EFCAB8: variants seen among roughly 807,000 people sequenced by gnomAD.
EFCAB8 encodes the protein EF-hand calcium binding domain 8.
A neutral mutation model predicts 116.3 loss-of-function variants in EFCAB8; 100 were observed. The observed-to-expected ratio is 0.86, with a 90% CI of 0.73 to 1.02. EFCAB8 has a LOEUF of 1.02. Ranked by LOEUF, EFCAB8 falls within the 50% of genes least tolerant of loss-of-function variation. The pLI is 0.00. For missense variants in EFCAB8, 1,320 were observed against 1,416.9 expected, an observed-to-expected ratio of 0.93 and a Z score of 1.10; for synonymous variants, 558 against 567.9, an observed-to-expected ratio of 0.98 and a Z score of 0.25.
rs1252481525 is a variant in EFCAB8, at chr20:32,878,721, C to T, written c.345C>T (p.Tyr115=). The T allele has an allele frequency of 1.1e-5, 17 of 1,551,812 alleles. No individual in the cohort carries two copies. The East Asian group carries it at 4.2e-4, about 38-fold the overall frequency. The change falls in exon 5 of 27, where the codon TAC becomes TAT. Residue 115 remains tyrosine (Y), a synonymous_variant. Transcript: ENST00000400522. ...GFVTWQKYVD[Y]MMREFQGKED... ...CGAGGCAGCAAAAGTATGTGGATTA[C>T]ATGATGCGTGAGTTCCAGGGAAAAG...
At chr20:32,939,125 C>CTCTTTCTTTCTTTCTTTCTTTCTT (rs56136077) in intron 22 of EFCAB8, among the ~76,000 whole-genome samples, 23 of 56,556 alleles carry the variant, frequency 4.1e-4, no homozygotes, top group East Asian at 3.4e-3. Context: ...CTCTTTCTTT[C>CTCTTTCTTTCTTTCTTTCTTTCTT]TCTTTCTTTC....
At chr20:32,930,058 G>C (rs1034534540) in intron 20 of EFCAB8, among the ~76,000 whole-genome samples, 2 of 152,324 alleles carry the variant, frequency 1.3e-5, no homozygotes, top group South Asian at 4.1e-4. Flanking sequence ...TGAGTTACAG[G>C]TTGTGAAAAT....
intron 5 of EFCAB8, among the ~76,000 whole-genome samples, chr20:32,882,507 T>G (rs927994012): frequency 6.6e-6 from 1 of 152,150 alleles, no homozygotes; most frequent in South Asian, 2.1e-4. Flanking sequence ...CATTTCCATT[T>G]TATTGTATTT....
At chr20:32,891,250 G>A (rs1334364728) in intron 7 of EFCAB8, among the ~76,000 whole-genome samples, 1 of 152,048 alleles carries the variant, frequency 6.6e-6, no homozygotes, top group Non-Finnish European at 1.5e-5. Context: ...GCTGAACTAG[G>A]GATTCATTTA....
chr20:32,884,785 C>G lies in EFCAB8; in HGVS notation c.432-720C>G, dbSNP rs183009562. 2.0e-5 allele frequency among the ~76,000 whole-genome samples: 3 copies of G among 152,252 alleles called. No individual in the cohort carries two copies. In the East Asian group the frequency reaches 5.8e-4, roughly 29 times the overall value. On this transcript the variant is annotated intron_variant, in intron 5 of 26. Transcript: ENST00000400522. ...GCTCTGCCAGGGCTCAAAGATTGGG[C>G]AGATCAAGTAGGAGAGTGTGTGCCA...
At chr20:32,897,506 G>A (rs1986218944) in intron 10 of EFCAB8, among the ~76,000 whole-genome samples, 1 of 150,928 alleles carries the variant, frequency 6.6e-6, no homozygotes, top group Non-Finnish European at 1.5e-5. Flanking sequence ...GCAGTGGTGC[G>A]ATCATGGCTC....
At chr20:32,900,306 C>T (rs1375109291) in intron 11 of EFCAB8, among the ~76,000 whole-genome samples, 4 of 152,142 alleles carry the variant, frequency 2.6e-5, no homozygotes. Flanking sequence ...TGTCTTAGAG[C>T]AGACACTTGA....
chr20:32,961,477 C>T lies in EFCAB8; in HGVS notation c.3735C>T (p.Ser1245=). The T allele has an allele frequency of 6.9e-7, 1 of 1,449,586 alleles. No homozygotes were observed. Among genetic ancestry groups the T allele is most frequent in the East Asian group, 2.5e-5 (1 of 39,824 alleles). 89.8% of individuals were successfully genotyped at this position (1,449,586 alleles called of 1,614,324 possible). ...STAHSTPSVP[S]PVSKSTLQGS... is the part of the protein sequence containing the mutation. ...CCCATTCCACCCCCTCGGTCCCATC[C>T]CCGGTGTCCAAGTCCACCCTGCAGG... is the stretch of plus-strand genomic sequence containing the variant. Residue 1245 remains serine (S), a synonymous_variant, in exon 27 of 27, where the codon TCC becomes TCT. Coordinates refer to ENST00000400522, the MANE Select transcript of EFCAB8 (RefSeq NM_001143967.2).
chr20:32,918,338 G>A, intron 18 of EFCAB8, 24 bp from the exon 19 acceptor site: 5 of 1,551,076 alleles, frequency 3.2e-6, no homozygotes, highest in African/African-American at 1.4e-5. Context: ...CAGTGCCTTA[G>A]GGGCTGCTTT....
intron 3 of EFCAB8, 94 bp downstream of exon 3, chr20:32,867,841 C>A: frequency 7.3e-7 from 1 of 1,368,398 alleles, no homozygotes; most frequent in South Asian, 1.5e-5. Flanking sequence ...ACATAATAAG[C>A]ATTTTTTTTT....
intron 3 of EFCAB8, among the ~76,000 whole-genome samples, chr20:32,875,700 G>A (rs1204338047): frequency 6.6e-6 from 1 of 151,682 alleles, no homozygotes; most frequent in African/African-American, 2.4e-5. Flanking sequence ...GTAGAGACAG[G>A]GTTTCACCAT....
chr20:32,860,313 CA>C (rs150743879), intron 1 of EFCAB8, among the ~76,000 whole-genome samples: 1 of 148,622 alleles, frequency 6.7e-6, no homozygotes, highest in South Asian at 2.1e-4. Context: ...AAAATAAAAG[CA>C]AAAAAAAACC....
rs575918372 is a variant in EFCAB8, at chr20:32,961,182, C to T, written c.3440C>T (p.Pro1147Leu). 39 of 1,552,224 alleles carry T rather than the reference C, an allele frequency of 2.5e-5. No individual in the cohort carries two copies. Among genetic ancestry groups the T allele is most frequent in the Admixed American group, 1.8e-4 (9 of 51,008 alleles). Residue 1147 changes from proline to leucine, a missense_variant, in exon 27 of 27, where the codon CCG becomes CTG. Pro to Leu is a moderately conservative substitution (Grantham distance 98, BLOSUM62 -3). Transcript: ENST00000400522. ...YQSLHFSDLM[P>L]TQQPDFLTSR... is the part of the protein sequence containing the mutation. ...AGCCTGCACTTCAGTGATCTGATGCCGACTCAGCAGCCTGACTTCCTGACC... is the reference window on the plus strand; with the variant it reads ...AGCCTGCACTTCAGTGATCTGATGCTGACTCAGCAGCCTGACTTCCTGACC...
At chr20:32,916,372 C>T (rs1405567614) in intron 17 of EFCAB8, among the ~76,000 whole-genome samples, 3 of 152,176 alleles carry the variant, frequency 2.0e-5, no homozygotes, top group African/African-American at 7.2e-5. Context: ...ATCCTCCTGC[C>T]TCAGCCTCCT....
intron 11 of EFCAB8, chr20:32,903,483 G>A (rs1986529268): frequency 6.6e-6 from 1 of 152,208 alleles, no homozygotes; most frequent in Non-Finnish European, 1.5e-5. Context: ...GAAGCCTCGT[G>A]TCTGTGCCCC....
intron 23 of EFCAB8, 121 bp downstream of exon 23, chr20:32,943,925 C>A (rs894512218): frequency 7.4e-6 from 3 of 405,396 alleles, no homozygotes; most frequent in Non-Finnish European, 1.3e-5. Flanking sequence ...ACAGCAACTG[C>A]CTTCACTTAA....
intron 3 of EFCAB8, among the ~76,000 whole-genome samples, chr20:32,869,821 A>G (rs1984601321): frequency 6.6e-6 from 1 of 152,186 alleles, no homozygotes; most frequent in South Asian, 2.1e-4. Context: ...GGAATTTTCC[A>G]TATTGCTACA....
chr20:32,957,495 C>G (rs2146305873), intron 23 of EFCAB8, among the ~76,000 whole-genome samples: 1 of 152,222 alleles, frequency 6.6e-6, no homozygotes, highest in East Asian at 1.9e-4. Context: ...ACTCAGTTTG[C>G]CTCTGTGTTC....
At chr20:32,878,397 T>A (rs1482046018) in intron 4 of EFCAB8, among the ~76,000 whole-genome samples, 1 of 151,770 alleles carries the variant, frequency 6.6e-6, no homozygotes, top group East Asian at 1.9e-4. Flanking sequence ...AGCAGGTCTG[T>A]TGCTTGGCCA....
Sources: gnomAD v4.1 joint callset for allele counts (sites outside exome capture counted in the v4.1 genomes callset) on GRCh38, gnomAD v4.1.1 for gene constraint, MANE v1.5 for transcripts, NCBI Gene and HGNC (gene_info 2026-07-23, HGNC 2026-07-21) for gene names.